The following PDE4D variants were observed in gnomAD, a reference collection of about 807,000 sequenced individuals.
PDE4D encodes the protein phosphodiesterase 4D.
PDE4D carries 24 observed loss-of-function variants against 87.4 expected under a neutral mutation model. That is an observed-to-expected ratio of 0.27 (90% CI 0.20 to 0.39). The LOEUF is 0.39. Among genes scored for constraint, PDE4D ranks in the 10% least tolerant of loss-of-function variants. The pLI, the probability that PDE4D is intolerant of heterozygous loss-of-function variation, is 1.00. For synonymous variants in PDE4D, 384 were observed against 383.2 expected (o/e 1.00, Z -0.02); for missense variants, 714 against 1,041.0 (o/e 0.69, Z 4.32).
intron 2 of PDE4D, among the ~76,000 whole-genome samples, chr5:60,107,929 T>C (rs1777194052): frequency 6.6e-6 from 1 of 152,154 alleles, no homozygotes; most frequent in African/African-American, 2.4e-5. Context: ...ACTAGAATCA[T>C]TCCGTTTGAA....
chr5:60,012,477 A>C (rs918099364), intron 2 of PDE4D, among the ~76,000 whole-genome samples: 10 of 152,222 alleles, frequency 6.6e-5, no homozygotes, highest in African/African-American at 2.4e-4. Flanking sequence ...ATGAGGAAAG[A>C]TAAGATGCTC....
At chr5:59,203,589 G>A (rs967787248) in intron 2 of PDE4D, among the ~76,000 whole-genome samples, 4 of 151,812 alleles carry the variant, frequency 2.6e-5, no homozygotes, top group African/African-American at 4.8e-5. Flanking sequence ...ATCAACTTAA[G>A]TGTCTAACAA....
chr5:60,508,115 A>T (rs1222842287), intron 1 of PDE4D, among the ~76,000 whole-genome samples: 1 of 152,194 alleles, frequency 6.6e-6, no homozygotes, highest in Non-Finnish European at 1.5e-5. Flanking sequence ...TAAATCCCCG[A>T]AGCTCTAAGA....
At chr5:60,277,397 T>C (rs1751483235) in intron 1 of PDE4D, among the ~76,000 whole-genome samples, 1 of 152,082 alleles carries the variant, frequency 6.6e-6, no homozygotes, top group Non-Finnish European at 1.5e-5. Flanking sequence ...AATAAATGAA[T>C]TCAGTAAGGC....
chr5:59,317,295 A>G (rs1203448332), intron 1 of PDE4D, among the ~76,000 whole-genome samples: 3 of 152,114 alleles, frequency 2.0e-5, no homozygotes, highest in Non-Finnish European at 4.4e-5. Flanking sequence ...CATAGTACAC[A>G]CTAGGGGAGG....
intron 5 of PDE4D, among the ~76,000 whole-genome samples, chr5:59,079,743 G>T (rs970276884): frequency 1.3e-5 from 2 of 151,818 alleles, no homozygotes; most frequent in Middle Eastern, 3.4e-3. Flanking sequence ...AGAGGCTGAG[G>T]CAGGAGGACT....
intron 1 of PDE4D, among the ~76,000 whole-genome samples, chr5:59,551,698 T>C (rs899711120): frequency 6.6e-6 from 1 of 152,212 alleles, no homozygotes; most frequent in African/African-American, 2.4e-5. Context: ...CAACTTTTTC[T>C]TGATTTTCCC....
chr5:59,142,785 C>T (rs771612453), intron 5 of PDE4D, among the ~76,000 whole-genome samples: 2 of 152,096 alleles, frequency 1.3e-5, no homozygotes, highest in Non-Finnish European at 2.9e-5. Flanking sequence ...GGCGTGGTGG[C>T]ACACGCCTGT....
chr5:59,059,557 G>C (rs1762835157), intron 5 of PDE4D, among the ~76,000 whole-genome samples: 1 of 152,096 alleles, frequency 6.6e-6, no homozygotes, highest in African/African-American at 2.4e-5. Flanking sequence ...ACAGTTTTCA[G>C]GACACCCACT....
At chr5:60,485,759 T>C (rs1165126063) in intron 1 of PDE4D, among the ~76,000 whole-genome samples, 2 of 152,188 alleles carry the variant, frequency 1.3e-5, no homozygotes, top group Non-Finnish European at 2.9e-5. Context: ...CACTGTCCAC[T>C]GGGCACCTGG....
At chr5:59,737,292 T>C (rs1758202427) in intron 1 of PDE4D, among the ~76,000 whole-genome samples, 1 of 152,174 alleles carries the variant, frequency 6.6e-6, no homozygotes, top group South Asian at 2.1e-4. Flanking sequence ...CTATTCTTGG[T>C]TTTGTATAGT....
intron 1 of PDE4D, among the ~76,000 whole-genome samples, chr5:59,836,128 A>G (rs1245253957): frequency 6.6e-6 from 1 of 152,032 alleles, no homozygotes; most frequent in African/African-American, 2.4e-5. Context: ...AGTGCCTTAC[A>G]CATAATCAGT....
At chr5:60,315,418 T>C (rs1382870664) in intron 1 of PDE4D, among the ~76,000 whole-genome samples, 1 of 152,220 alleles carries the variant, frequency 6.6e-6, no homozygotes, top group Non-Finnish European at 1.5e-5. Context: ...GGCAAAAATT[T>C]TCTCCCATTC....
At chr5:59,246,921 G>A (rs970890659) in intron 1 of PDE4D, among the ~76,000 whole-genome samples, 4 of 144,508 alleles carry the variant, frequency 2.8e-5, no homozygotes, top group East Asian at 2.0e-4. Context: ...GTGTGTGTGT[G>A]TATATGCACA....
chr5:60,111,669 C>G (rs1777703423), intron 2 of PDE4D, among the ~76,000 whole-genome samples: 1 of 151,914 alleles, frequency 6.6e-6, no homozygotes. Context: ...TAGTAGCATG[C>G]ATTTTTCCAG....
At chr5:59,376,288 T>C (rs1387982661) in intron 1 of PDE4D, among the ~76,000 whole-genome samples, 1 of 152,148 alleles carries the variant, frequency 6.6e-6, no homozygotes, top group Non-Finnish European at 1.5e-5. Flanking sequence ...GAAAACCACA[T>C]AATCTCAGCC....
chr5:59,878,887 GTTTTTTTTTTTTT>G (rs70975345), intron 1 of PDE4D, among the ~76,000 whole-genome samples: 16 of 71,754 alleles, frequency 2.2e-4, no homozygotes, highest in African/African-American at 7.0e-4. Flanking sequence ...ACCGAAGTAA[GTTTTTTTTTTTTT>G]TTTTTTTTTT....
chr5:59,857,231 T>G (rs1321043270), intron 1 of PDE4D, among the ~76,000 whole-genome samples: 2 of 152,166 alleles, frequency 1.3e-5, no homozygotes, highest in Non-Finnish European at 2.9e-5. Context: ...ACATCACGCA[T>G]TTGTCCAGAG....
chr5:60,168,815 G>A (rs1447226544), intron 2 of PDE4D, among the ~76,000 whole-genome samples: 1 of 152,150 alleles, frequency 6.6e-6, no homozygotes, highest in East Asian at 1.9e-4. Context: ...GCAATTGACT[G>A]AAACCACAGA....
Sources: gnomAD v4.1 joint callset for allele counts (sites outside exome capture counted in the v4.1 genomes callset) on GRCh38, gnomAD v4.1.1 for gene constraint, MANE v1.5 for transcripts, NCBI Gene and HGNC (gene_info 2026-07-23, HGNC 2026-07-21) for gene names.